NRG1: variants seen among roughly 807,000 people sequenced by gnomAD.
NRG1 encodes neuregulin 1, also known as pro-neuregulin-1, membrane-bound isoform.
Under a neutral mutation model 63.8 loss-of-function variants are expected in NRG1, and 18 were observed. The ratio of observed to expected loss-of-function variants is 0.28; its 90% confidence interval spans 0.19 to 0.42. The LOEUF is 0.42. Ranked by LOEUF, NRG1 falls within the 10% of genes least tolerant of loss-of-function variation. NRG1 has a pLI of 1.00. For missense variants in NRG1, 762 were observed against 814.7 expected (o/e 0.94, Z 0.79); for synonymous variants, 302 against 301.3 (o/e 1.00, Z -0.02).
At chr8:32,497,582 A>G (rs1827361972) in intron 1 of NRG1, among the ~76,000 whole-genome samples, 1 of 152,210 alleles carries the variant, frequency 6.6e-6, no homozygotes, top group African/African-American at 2.4e-5. Context: ...TTGGGGCCAC[A>G]GAAGTCCAAG....
chr8:31,922,306 G>A (rs143586905), intron 1 of NRG1, among the ~76,000 whole-genome samples: 36 of 152,142 alleles, frequency 2.4e-4, no homozygotes, highest in African/African-American at 7.0e-4. Flanking sequence ...GGCTTCTCCC[G>A]TTTGCCATGG....
At chr8:32,608,083 GTTTTTTTTGT>G (rs1554601578) in intron 3 of NRG1, among the ~76,000 whole-genome samples, 12 of 99,314 alleles carry the variant, frequency 1.2e-4, no homozygotes, top group African/African-American at 3.5e-4. Context: ...ATGAACCCAG[GTTTTTTTTGT>G]TTTTTTTTTT....
chr8:31,927,488 G>A lies in NRG1; in HGVS notation c.37+288057G>A, dbSNP rs557081740. ...TTTTGAGACGGAGTCTCGCTCTGTCGCCCAGGCTGGAGTGCAGTGGCGGGA... is the reference window on the plus strand; with the variant it reads ...TTTTGAGACGGAGTCTCGCTCTGTCACCCAGGCTGGAGTGCAGTGGCGGGA... On this transcript the variant is annotated intron_variant, in intron 1 of 10. Coordinates refer to the NRG1 transcript ENST00000519301. 6.1e-4 allele frequency among the ~76,000 whole-genome samples: 69 copies of A among 113,276 alleles called. 1 individual carries two copies. The East Asian group carries it at 0.014, about 23-fold the overall frequency. 74.3% of individuals were successfully genotyped at this position (113,276 alleles called of 152,430 possible).
chr8:32,628,260 AAATTATTT>A, intron 5 of NRG1, among the ~76,000 whole-genome samples: 1 of 152,332 alleles, frequency 6.6e-6, no homozygotes, highest in East Asian at 1.9e-4. Flanking sequence ...ATCTGAGAGA[AAATTATTT>A]AAGTGGCCAT....
chr8:32,755,774 G>T (rs1353434733), intron 8 of NRG1, among the ~76,000 whole-genome samples: 1 of 151,346 alleles, frequency 6.6e-6, no homozygotes, highest in Non-Finnish European at 1.5e-5. Flanking sequence ...ACAGAATCTG[G>T]CTCTTTCACC....
intron 1 of NRG1, among the ~76,000 whole-genome samples, chr8:31,898,323 C>T (rs188017301): frequency 1.6e-4 from 24 of 152,198 alleles, no homozygotes; most frequent in Non-Finnish European, 2.9e-4. Context: ...ATTTTAATAA[C>T]CACTATGTGC....
At chr8:32,758,371 G>A (rs150318248) in intron 9 of NRG1, among the ~76,000 whole-genome samples, 3,675 of 152,138 alleles carry the variant, frequency 0.024, 162 homozygotes, top group African/African-American at 0.084. Flanking sequence ...GAGGTCAGGA[G>A]TTTAAGACCA....
intron 1 of NRG1, among the ~76,000 whole-genome samples, chr8:32,499,956 C>G (rs1411647131): frequency 6.6e-6 from 1 of 152,078 alleles, no homozygotes; most frequent in Non-Finnish European, 1.5e-5. Context: ...TACAAGATGG[C>G]AGGATTCAGT....
rs567695182 is a variant in NRG1, at chr8:32,472,185, T to C, written c.38-123643T>C. On this transcript the variant is annotated intron_variant, in intron 1 of 10. Coordinates refer to the NRG1 transcript ENST00000519301. ...CCCTGAGTTCTTGGCGTTTATTCTT[T>C]TTTTTGAGACAGTCTCACTCTGTCG... 6.6e-5 allele frequency among the ~76,000 whole-genome samples: 10 copies of C among 152,258 alleles called. No homozygotes were observed. The East Asian group carries it at 1.9e-3, about 29-fold the overall frequency.
At chr8:31,995,459 T>C (rs1811809255) in intron 1 of NRG1, among the ~76,000 whole-genome samples, 1 of 151,958 alleles carries the variant, frequency 6.6e-6, no homozygotes, top group Non-Finnish European at 1.5e-5. Flanking sequence ...CTGAAAATTA[T>C]ATAAAATAGG....
chr8:32,202,663 G>T (rs907732603), intron 1 of NRG1, among the ~76,000 whole-genome samples: 1 of 151,898 alleles, frequency 6.6e-6, no homozygotes, highest in Non-Finnish European at 1.5e-5. Context: ...GAAGGGGAAC[G>T]GGAGAGGGGA....
At chr8:32,299,279 A>G (rs1434917912) in intron 1 of NRG1, among the ~76,000 whole-genome samples, 1 of 152,142 alleles carries the variant, frequency 6.6e-6, no homozygotes, top group East Asian at 1.9e-4. Flanking sequence ...TAAAAACAGA[A>G]AGCAAAAACA....
intron 1 of NRG1, among the ~76,000 whole-genome samples, chr8:31,989,703 T>G (rs1666985269): frequency 6.6e-6 from 1 of 152,094 alleles, no homozygotes; most frequent in Non-Finnish European, 1.5e-5. Context: ...TTGAAAACCT[T>G]CATGCCCTAC....
At chr8:32,682,147 C>G (rs1175274508) in intron 5 of NRG1, among the ~76,000 whole-genome samples, 1 of 152,178 alleles carries the variant, frequency 6.6e-6, no homozygotes, top group Middle Eastern at 3.4e-3. Flanking sequence ...TTGCCTTAAT[C>G]AAAATTTGTG....
chr8:31,847,476 A>G (rs944066421), intron 1 of NRG1, among the ~76,000 whole-genome samples: 1 of 152,214 alleles, frequency 6.6e-6, no homozygotes, highest in Non-Finnish European at 1.5e-5. Context: ...ACAGCCTACA[A>G]CTACAGAGGA....
At chr8:32,665,124 G>A (rs928654514) in intron 5 of NRG1, among the ~76,000 whole-genome samples, 4 of 152,124 alleles carry the variant, frequency 2.6e-5, no homozygotes, top group Non-Finnish European at 4.4e-5. Flanking sequence ...CTTTTCGAGT[G>A]TGTGTTCCCT....
chr8:31,667,162 CA>C (rs1168677418), intron 1 of NRG1, among the ~76,000 whole-genome samples: 1 of 152,162 alleles, frequency 6.6e-6, no homozygotes, highest in African/African-American at 2.4e-5. Context: ...TAATTCCCTG[CA>C]AAGACTCAAC....
intron 5 of NRG1, chr8:32,648,102 G>A: frequency 2.5e-6 from 4 of 1,614,074 alleles, no homozygotes; most frequent in Non-Finnish European, 3.4e-6. Flanking sequence ...GGACGCAACT[G>A]CTGCCTCAGC....
At chr8:32,366,334 T>C (rs1807973336) in intron 1 of NRG1, among the ~76,000 whole-genome samples, 1 of 152,068 alleles carries the variant, frequency 6.6e-6, no homozygotes, top group South Asian at 2.1e-4. Flanking sequence ...AACCAACTTC[T>C]CTTCATCTGC....
Sources: gnomAD v4.1 joint callset for allele counts (sites outside exome capture counted in the v4.1 genomes callset) on GRCh38, gnomAD v4.1.1 for gene constraint, MANE v1.5 for transcripts, NCBI Gene and HGNC (gene_info 2026-07-23, HGNC 2026-07-21) for gene names.